The following GPALPP1 variants were observed in gnomAD, a reference collection of about 807,000 sequenced individuals.
GPALPP1 encodes the protein GPALPP motifs-containing protein 1.
Under a neutral mutation model 38.9 loss-of-function variants are expected in GPALPP1, and 30 were observed. The observed-to-expected ratio is 0.77, with a 90% CI of 0.58 to 1.05. The LOEUF (loss-of-function observed/expected upper bound fraction) is 1.05. Ranked by LOEUF, GPALPP1 falls within the 50% of genes least tolerant of loss-of-function variation. GPALPP1 has a pLI of 0.00. For synonymous variants in GPALPP1, 120 were observed against 139.2 expected, an observed-to-expected ratio of 0.86 and a Z score of 0.97; for missense variants, 384 against 408.8, an observed-to-expected ratio of 0.94 and a Z score of 0.52.
chr13:44,994,041 C>G (rs182775861), intron 1 of GPALPP1, among the ~76,000 whole-genome samples: 17 of 150,200 alleles, frequency 1.1e-4, no homozygotes, highest in African/African-American at 3.7e-4. Context: ...CAAGACCAGC[C>G]TGGGCAACAT....
chr13:44,999,767 AT>A (rs1165260955), intron 1 of GPALPP1, among the ~76,000 whole-genome samples: 1 of 152,074 alleles, frequency 6.6e-6, no homozygotes, highest in African/African-American at 2.4e-5. Context: ...TTTAGTAGAG[AT>A]GGGGTTTCAC....
chr13:45,016,441 G>A (rs892616841), intron 6 of GPALPP1, among the ~76,000 whole-genome samples: 43 of 151,422 alleles, frequency 2.8e-4, no homozygotes, highest in African/African-American at 7.8e-4. Context: ...GCAACAGAGC[G>A]AGACTCCATC....
At chr13:45,011,055 A>G (rs1874437899) in intron 4 of GPALPP1, among the ~76,000 whole-genome samples, 1 of 151,362 alleles carries the variant, frequency 6.6e-6, no homozygotes, top group Admixed American at 6.6e-5. Flanking sequence ...AGTTTGATGA[A>G]TTGGAGCTAG....
intron 1 of GPALPP1, among the ~76,000 whole-genome samples, chr13:45,003,693 G>GT (rs1303963348): frequency 7.9e-5 from 12 of 152,144 alleles, no homozygotes; most frequent in Admixed American, 5.9e-4. Context: ...ATTCTGATAA[G>GT]TGGACCTAGA....
intron 1 of GPALPP1, 96 bp downstream of exon 1, chr13:44,989,838 A>AGGAGTGG: frequency 1.1e-6 from 1 of 909,944 alleles, no homozygotes; most frequent in South Asian, 1.5e-5. Flanking sequence ...AGGAGGGCGG[A>AGGAGTGG]GGAGTGGGGA....
At chr13:44,990,830 T>G (rs1872743506) in intron 1 of GPALPP1, among the ~76,000 whole-genome samples, 1 of 152,214 alleles carries the variant, frequency 6.6e-6, no homozygotes, top group Admixed American at 6.5e-5. Context: ...GGCACAAGCC[T>G]GTAATCTCAG....
intron 1 of GPALPP1, among the ~76,000 whole-genome samples, chr13:44,996,845 A>G (rs1012727036): frequency 2.1e-5 from 3 of 145,972 alleles, no homozygotes; most frequent in Non-Finnish European, 4.5e-5. Context: ...TACACATAAC[A>G]TGAAATGTAC....
chr13:45,016,515 C>G (rs560556082), intron 6 of GPALPP1, among the ~76,000 whole-genome samples: 1 of 152,228 alleles, frequency 6.6e-6, no homozygotes, highest in East Asian at 1.9e-4. Flanking sequence ...ATCTTCTGTT[C>G]TTGAATCTTT....
intron 7 of GPALPP1, among the ~76,000 whole-genome samples, chr13:45,020,792 A>G (rs1875373107): frequency 6.6e-6 from 1 of 151,594 alleles, no homozygotes; most frequent in Admixed American, 6.6e-5. Context: ...CTATCCTGAA[A>G]TACACTATGT....
At chr13:45,026,643 G>T (rs1260211652) in intron 7 of GPALPP1, among the ~76,000 whole-genome samples, 4 of 152,100 alleles carry the variant, frequency 2.6e-5, no homozygotes, top group African/African-American at 9.7e-5. Context: ...GAAGAGGTAT[G>T]GTTGTTAAGC....
At chr13:44,990,707 A>T (rs978719811) in intron 1 of GPALPP1, among the ~76,000 whole-genome samples, 18 of 152,304 alleles carry the variant, frequency 1.2e-4, no homozygotes, top group South Asian at 8.3e-4. Flanking sequence ...CCATTTCTGA[A>T]TCTAATTTTT....
intron 4 of GPALPP1, among the ~76,000 whole-genome samples, chr13:45,009,973 C>T (rs188282997): frequency 6.6e-6 from 1 of 152,270 alleles, no homozygotes; most frequent in African/African-American, 2.4e-5. Context: ...CCCTTCTCAA[C>T]ACAACAGCTG....
rs1387220237 is a variant in GPALPP1 at position 45,006,186 on chromosome 13, A to C, written c.222-16A>C. 2.7e-6 allele frequency: 4 copies of C among 1,498,754 alleles called. No individual in the cohort carries two copies. Among genetic ancestry groups the C allele is most frequent in the Non-Finnish European group, 3.7e-6 (4 of 1,089,514 alleles). The allele number at this position is 1,498,754 out of a possible 1,614,324, so 92.8% of individuals were successfully genotyped here. ...TTTTGACATATATGCATAAAGTTATACTACTATGTTTTCAGAAAACAGAGG... is the reference window on the plus strand; with the variant it reads ...TTTTGACATATATGCATAAAGTTATCCTACTATGTTTTCAGAAAACAGAGG... On this transcript the variant is annotated splice_polypyrimidine_tract_variant and intron_variant, in intron 2 of 7. Coordinates refer to ENST00000379151, the MANE Select transcript of GPALPP1 (RefSeq NM_018559.5).
chr13:44,998,548 CT>C (rs1873453480), intron 1 of GPALPP1, among the ~76,000 whole-genome samples: 2 of 152,312 alleles, frequency 1.3e-5, no homozygotes, highest in East Asian at 3.9e-4. Context: ...TTTCAGTTTT[CT>C]AAATGTGATG....
At chr13:45,000,297 G>T (rs1177547647) in intron 1 of GPALPP1, among the ~76,000 whole-genome samples, 1 of 152,090 alleles carries the variant, frequency 6.6e-6, no homozygotes, top group Non-Finnish European at 1.5e-5. Context: ...GTGCATGGTG[G>T]CAAACACCTG....
At chr13:45,004,613 G>A (rs184625632) in intron 2 of GPALPP1, among the ~76,000 whole-genome samples, 176 bp downstream of exon 2, 27 of 152,184 alleles carry the variant, frequency 1.8e-4, no homozygotes, top group African/African-American at 6.3e-4. Context: ...TATTCTAGTA[G>A]TTTGCAGCTA....
intron 1 of GPALPP1, 47 bp downstream of exon 1, chr13:44,989,789 C>A: frequency 7.1e-7 from 1 of 1,406,814 alleles, no homozygotes; most frequent in East Asian, 2.3e-5. Context: ...CTACCCACTC[C>A]CTGGCCGGGC....
Position 45,000,131 on chromosome 13 carries a change from A to G in GPALPP1, c.89-4174A>G, listed in dbSNP as rs146754251. On this transcript the variant is annotated intron_variant, in intron 1 of 7. Coordinates refer to ENST00000379151, the MANE Select transcript of GPALPP1 (RefSeq NM_018559.5). ...AATCCATGGCAATTTTTTAGTTGTA[A>G]TAGCACCAGGTGTGGTGGCTCATGC... Among the ~76,000 whole-genome samples, 333 of 152,266 alleles carry G rather than the reference A, an allele frequency of 2.2e-3. 1 individual carries two copies. The highest frequency in any genetic ancestry group is 7.6e-3 in the African/African-American group (315 of 41,556).
intron 1 of GPALPP1, 62 bp downstream of exon 1, chr13:44,989,804 C>A: frequency 7.6e-7 from 1 of 1,322,764 alleles, no homozygotes; most frequent in Non-Finnish European, 1.1e-6. Flanking sequence ...CCGGGCCCTG[C>A]TCGCTGAAGA....
Sources: gnomAD v4.1 joint callset for allele counts (sites outside exome capture counted in the v4.1 genomes callset) on GRCh38, gnomAD v4.1.1 for gene constraint, MANE v1.5 for transcripts, NCBI Gene and HGNC (gene_info 2026-07-23, HGNC 2026-07-21) for gene names.